TLR6: variants seen among roughly 807,000 people sequenced by gnomAD.
The protein encoded by TLR6 is toll like receptor 6.
In TLR6, 9 loss-of-function variants were observed where a neutral mutation model predicts 16.1. The ratio of observed to expected loss-of-function variants is 0.56; its 90% CI spans 0.34 to 0.98. TLR6 has a LOEUF of 0.98. Ranked by LOEUF, TLR6 falls within the 50% of genes least tolerant of loss-of-function variation. The pLI, the probability that TLR6 is intolerant of heterozygous loss-of-function variation, is 0.02. For synonymous variants in TLR6, 340 were observed against 338.6 expected (o/e 1.00, Z -0.04); for missense variants, 786 against 921.0 (o/e 0.85, Z 1.90).
At chr4:38,853,302 C>T (rs1039158900) in intron 1 of TLR6, among the ~76,000 whole-genome samples, 2 of 150,888 alleles carry the variant, frequency 1.3e-5, no homozygotes, top group African/African-American at 4.9e-5. Flanking sequence ...ATGGGTGCAG[C>T]ACACCAACAT....
At chr4:38,824,948 C>G (rs1380392995) in exon 2 of TLR6, 2 of 152,222 alleles carry the variant, frequency 1.3e-5, no homozygotes, top group African/African-American at 4.8e-5. Context: ...AGGTGCACAC[C>G]ACCACACCCG....
At chr4:38,868,127 G>T in the TLR6 span, 1 of 248,676 alleles carries the variant, frequency 4.0e-6, no homozygotes, top group Non-Finnish European at 8.7e-6. Flanking sequence ...CCACACTCAG[G>T]GTCTGCCCCC....
At chr4:38,865,254 T>C in the TLR6 span, among the ~76,000 whole-genome samples, 1 of 152,258 alleles carries the variant, frequency 6.6e-6, no homozygotes, top group Non-Finnish European at 1.5e-5. Context: ...TACTTTTCTA[T>C]ATATTTTAAA....
intron 1 of TLR6, among the ~76,000 whole-genome samples, chr4:38,832,673 C>G (rs1442073606): frequency 1.3e-5 from 2 of 152,116 alleles, no homozygotes; most frequent in Non-Finnish European, 2.9e-5. Context: ...TCTCCACACC[C>G]CTGAAGCCCC....
chr4:38,854,498 CTT>C (rs1712890834), intron 1 of TLR6, among the ~76,000 whole-genome samples: 1 of 151,776 alleles, frequency 6.6e-6, no homozygotes, highest in African/African-American at 2.4e-5. Context: ...AAGGAGGACT[CTT>C]GTTTCTTAAA....
intron 1 of TLR6, among the ~76,000 whole-genome samples, chr4:38,832,699 C>T (rs768225287): frequency 5.9e-5 from 9 of 152,168 alleles, no homozygotes; most frequent in Non-Finnish European, 1.2e-4. Flanking sequence ...TATTCTCCTA[C>T]GTCCACCTAG....
At chr4:38,843,185 C>T (rs1216107025) in intron 1 of TLR6, among the ~76,000 whole-genome samples, 3 of 152,154 alleles carry the variant, frequency 2.0e-5, no homozygotes, top group African/African-American at 4.8e-5. Flanking sequence ...TGAGGCAGGG[C>T]GGCAGGTGCA....
chr4:38,850,304 A>G lies in TLR6; in HGVS notation c.-65+6457T>C, dbSNP rs1488935876. Among the ~76,000 whole-genome samples the G allele has an allele frequency of 3.9e-5, 6 of 152,340 alleles. No individual in the cohort carries two copies. The East Asian group carries it at 1.2e-3, about 29-fold the overall frequency. On this transcript the variant is annotated intron_variant, in intron 1 of 1. Transcript: ENST00000436693. ...AAAGATCTAAAATTGACACCCTAAC[A>G]TCACAATTAAAAGAACTAGAGAAGC...
At chr4:38,824,633 T>C (rs2109397513) in exon 2 of TLR6, 1 of 152,298 alleles carries the variant, frequency 6.6e-6, no homozygotes, top group Non-Finnish European at 1.5e-5. Flanking sequence ...AAAAAATCTG[T>C]TCAACAGGGG....
intron 1 of TLR6, among the ~76,000 whole-genome samples, chr4:38,853,141 A>C (rs887837804): frequency 4.0e-5 from 6 of 149,516 alleles, no homozygotes; most frequent in Non-Finnish European, 7.4e-5. Context: ...CAAAAAACCA[A>C]ACACCGCATG....
chr4:38,857,838 G>A (rs1425938505), upstream of TLR6, among the ~76,000 whole-genome samples: 1 of 152,156 alleles, frequency 6.6e-6, no homozygotes, highest in Non-Finnish European at 1.5e-5. Context: ...AGGAGTGGAT[G>A]GATCTCTGCT....
chr4:38,846,085 T>G (rs1455556213), intron 1 of TLR6, among the ~76,000 whole-genome samples: 2 of 86,034 alleles, frequency 2.3e-5, no homozygotes, highest in African/African-American at 1.2e-4. Flanking sequence ...GAGCGAGACA[T>G]CTCAAAAAAA....
upstream of TLR6, among the ~76,000 whole-genome samples, chr4:38,860,245 G>A (rs1713165954): frequency 6.6e-6 from 1 of 152,160 alleles, no homozygotes; most frequent in African/African-American, 2.4e-5. Flanking sequence ...GCTGAGGCAG[G>A]CAGATCACCT....
chr4:38,825,450 A>T (rs1727500239), exon 2 of TLR6: 1 of 152,230 alleles, frequency 6.6e-6, no homozygotes, highest in Non-Finnish European at 1.5e-5. Context: ...GGAAGAGGGT[A>T]TTACACAAAG....
chr4:38,855,457 A>T (rs1712944848), intron 1 of TLR6, among the ~76,000 whole-genome samples: 1 of 152,274 alleles, frequency 6.6e-6, no homozygotes, highest in South Asian at 2.1e-4. Flanking sequence ...TCGTAAGGCA[A>T]TTTAAGAGTT....
chr4:38,864,599 T>C, the TLR6 span, among the ~76,000 whole-genome samples: 2 of 152,234 alleles, frequency 1.3e-5, no homozygotes, highest in Non-Finnish European at 2.9e-5. Context: ...ATATGAATGA[T>C]TCTCAAAAAT....
At chr4:38,839,979 T>A (rs1036407458) in intron 1 of TLR6, among the ~76,000 whole-genome samples, 11 of 152,170 alleles carry the variant, frequency 7.2e-5, no homozygotes, top group African/African-American at 2.4e-4. Flanking sequence ...TCCTAAAAGA[T>A]CAAAGTCCCC....
intron 1 of TLR6, among the ~76,000 whole-genome samples, chr4:38,852,766 C>T: frequency 1.3e-5 from 2 of 151,888 alleles, no homozygotes. Flanking sequence ...AATAGGAACA[C>T]TTTTACACTG....
chr4:38,828,116 T>C, exon 2 of TLR6: 1 of 1,614,234 alleles, frequency 6.2e-7, no homozygotes, highest in Non-Finnish European at 8.5e-7. Flanking sequence ...ATCAAGTACC[T>C]TGATCCTGGG....
Sources: gnomAD v4.1 joint callset for allele counts (sites outside exome capture counted in the v4.1 genomes callset) on GRCh38, gnomAD v4.1.1 for gene constraint, MANE v1.5 for transcripts, NCBI Gene and HGNC (gene_info 2026-07-23, HGNC 2026-07-21) for gene names.